The following SFXN5 variants were observed in gnomAD, a reference collection of about 807,000 sequenced individuals.
SFXN5 encodes the protein sideroflexin 5.
SFXN5 carries 43 observed loss-of-function variants against 50.2 expected under a neutral mutation model. The ratio of observed to expected loss-of-function variants is 0.86; its 90% CI spans 0.67 to 1.11. SFXN5 has a LOEUF of 1.11. SFXN5 is among the 50% of genes least tolerant of loss of function. The pLI is 0.00. For missense variants in SFXN5, 463 were observed against 454.1 expected, an observed-to-expected ratio of 1.02 and a Z score of -0.18; for synonymous variants, 203 against 185.8, an observed-to-expected ratio of 1.09 and a Z score of -0.75.
intron 13 of SFXN5, among the ~76,000 whole-genome samples, chr2:72,958,235 C>G (rs1385916570): frequency 1.3e-5 from 2 of 152,200 alleles, no homozygotes; most frequent in African/African-American, 4.8e-5. Context: ...GCTCCCTCTT[C>G]TCTTGGCTGT....
At chr2:72,972,701 G>T (rs1265562077) in intron 10 of SFXN5, among the ~76,000 whole-genome samples, 2 of 152,234 alleles carry the variant, frequency 1.3e-5, no homozygotes, top group African/African-American at 2.4e-5. Context: ...GGCAGGTGGG[G>T]AGTGGGGGGT....
chr2:73,054,632 T>C (rs980124454), intron 2 of SFXN5, among the ~76,000 whole-genome samples: 5 of 152,208 alleles, frequency 3.3e-5, no homozygotes, highest in Middle Eastern at 3.2e-3. Context: ...CATGGTAATC[T>C]GGCAAGCAAT....
rs1020648052 is a variant in SFXN5 at position 72,961,440 on chromosome 2, C to A, written c.828-192G>T. Among the ~76,000 whole-genome samples the A allele has an allele frequency of 6.6e-6, 1 of 152,194 alleles. No individual in the cohort carries two copies. Among genetic ancestry groups the A allele is most frequent in the South Asian group, 2.1e-4 (1 of 4,830 alleles). ...TTCCCGATAGGTACCCCTATCCCAGCGGGTATAGACCCCTATCCCAATGTC... is the reference window on the plus strand; with the variant it reads ...TTCCCGATAGGTACCCCTATCCCAGAGGGTATAGACCCCTATCCCAATGTC... On this transcript the variant is annotated intron_variant, in intron 12 of 13. Coordinates refer to ENST00000272433, the MANE Select transcript of SFXN5 (RefSeq NM_144579.3). This position sits in a 1 kb window ranked among gnomAD's most constrained non-coding sequence, Gnocchi z 4.4.
At chr2:73,031,125 T>G (rs997761796) in intron 3 of SFXN5, among the ~76,000 whole-genome samples, 17 of 152,244 alleles carry the variant, frequency 1.1e-4, no homozygotes, top group Admixed American at 9.2e-4. Context: ...TGTCCTATTG[T>G]GTTGTCCATA....
intron 10 of SFXN5, among the ~76,000 whole-genome samples, chr2:72,987,580 AC>A (rs1467899448): frequency 6.7e-6 from 1 of 150,186 alleles, no homozygotes; most frequent in Non-Finnish European, 1.5e-5. Flanking sequence ...ACATGGTGAA[AC>A]CCCATCTCTA....
At chr2:73,039,451 C>G (rs181827793) in intron 3 of SFXN5, among the ~76,000 whole-genome samples, 17 of 152,224 alleles carry the variant, frequency 1.1e-4, no homozygotes, top group African/African-American at 3.6e-4. Flanking sequence ...TCTGACTATG[C>G]AGTAAATGTT....
At chr2:73,045,336 C>T (rs1431808454) in intron 2 of SFXN5, among the ~76,000 whole-genome samples, 1 of 151,222 alleles carries the variant, frequency 6.6e-6, no homozygotes, top group South Asian at 2.1e-4. Flanking sequence ...TGCCCAAAGC[C>T]CCCCCAGAAC....
intron 6 of SFXN5, among the ~76,000 whole-genome samples, chr2:73,007,353 C>T (rs576813289): frequency 3.3e-5 from 5 of 152,030 alleles, no homozygotes; most frequent in Non-Finnish European, 7.4e-5. Flanking sequence ...CTGTCTTGTT[C>T]GCCAAGATAA....
chr2:72,986,226 C>G (rs903053496), intron 10 of SFXN5, among the ~76,000 whole-genome samples: 4 of 152,238 alleles, frequency 2.6e-5, no homozygotes, highest in African/African-American at 9.6e-5. Context: ...CTGGCTGAGG[C>G]TGAGCCAGGT....
At chr2:72,963,747 G>A in intron 12 of SFXN5, among the ~76,000 whole-genome samples, 1 of 152,166 alleles carries the variant, frequency 6.6e-6, no homozygotes, top group East Asian at 1.9e-4. Flanking sequence ...CTTCATTCCA[G>A]TGCCAGGGAG....
intron 5 of SFXN5, among the ~76,000 whole-genome samples, chr2:73,021,205 C>G (rs1358134790): frequency 6.6e-6 from 1 of 152,180 alleles, no homozygotes; most frequent in African/African-American, 2.4e-5. Context: ...TCTACAACCA[C>G]AACTGTAAGA....
intron 2 of SFXN5, among the ~76,000 whole-genome samples, chr2:73,046,596 G>A (rs898069278): frequency 6.6e-6 from 1 of 151,998 alleles, no homozygotes; most frequent in African/African-American, 2.4e-5. Context: ...GGAGGATCTC[G>A]AGCCTGGGAG....
At chr2:72,983,602 A>T (rs148185218) in intron 10 of SFXN5, among the ~76,000 whole-genome samples, 27 of 152,174 alleles carry the variant, frequency 1.8e-4, no homozygotes, top group African/African-American at 6.3e-4. Flanking sequence ...GCCTGGGGTG[A>T]CCTTCAGGGC....
chr2:72,982,709 T>TG (rs1350775017), intron 10 of SFXN5, among the ~76,000 whole-genome samples: 3 of 152,004 alleles, frequency 2.0e-5, no homozygotes, highest in African/African-American at 7.2e-5. Flanking sequence ...CAAGAGGAGA[T>TG]GGTGTTTGAG....
At chr2:73,003,632 A>G (rs1674221559) in intron 6 of SFXN5, among the ~76,000 whole-genome samples, 1 of 152,232 alleles carries the variant, frequency 6.6e-6, no homozygotes, top group Non-Finnish European at 1.5e-5. Context: ...CCCACACTGC[A>G]TGGATTCTGT....
chr2:73,062,320 G>C (rs1197981981), intron 1 of SFXN5, among the ~76,000 whole-genome samples: 2 of 152,140 alleles, frequency 1.3e-5, no homozygotes, highest in African/African-American at 4.8e-5. Context: ...GCTTCTGGGT[G>C]GGGTAGAGCT....
At chr2:73,029,513 A>C (rs1678028602) in intron 3 of SFXN5, among the ~76,000 whole-genome samples, 1 of 152,084 alleles carries the variant, frequency 6.6e-6, no homozygotes, top group African/African-American at 2.4e-5. Flanking sequence ...AGGTAGACAG[A>C]TGCTCTTTAG....
At chr2:72,999,268 G>C (rs916722938) in intron 8 of SFXN5, among the ~76,000 whole-genome samples, 1 of 152,188 alleles carries the variant, frequency 6.6e-6, no homozygotes, top group Non-Finnish European at 1.5e-5. Flanking sequence ...AAAGGTCACT[G>C]GCAGACAGTG....
intron 1 of SFXN5, chr2:73,059,570 A>T (rs1438389478): frequency 4.1e-6 from 4 of 985,108 alleles, no homozygotes; most frequent in Non-Finnish European, 4.8e-6. Flanking sequence ...AGGTCACCTC[A>T]AAGTCCCCCC....
Sources: allele counts gnomAD v4.1 joint callset (sites outside exome capture counted in the v4.1 genomes callset), GRCh38; gene constraint gnomAD v4.1.1; non-coding constraint Gnocchi (gnomAD v3.1); transcripts MANE v1.5; gene names NCBI Gene and HGNC (gene_info 2026-07-23, HGNC 2026-07-21).